TMIE: variants seen among roughly 807,000 people sequenced by gnomAD.
The protein encoded by TMIE is transmembrane inner ear, also known as transmembrane inner ear expressed protein.
Under a neutral mutation model 16.8 loss-of-function variants are expected in TMIE, and 14 were observed. That is an observed-to-expected ratio of 0.83 (90% CI 0.55 to 1.30). TMIE has a LOEUF of 1.30. Among genes scored for constraint, TMIE ranks in the 50% most tolerant of loss-of-function variants. The pLI is 0.00. For missense variants in TMIE, 204 were observed against 205.9 expected, an observed-to-expected ratio of 0.99 and a Z score of 0.06; for synonymous variants, 75 against 87.2, an observed-to-expected ratio of 0.86 and a Z score of 0.78.
upstream of TMIE, among the ~76,000 whole-genome samples, chr3:46,698,427 CT>C (rs1488703536): frequency 6.6e-6 from 1 of 151,740 alleles, no homozygotes; most frequent in Non-Finnish European, 1.5e-5. Flanking sequence ...TTAATGAAGG[CT>C]TGTGATATGC....
intron 2 of TMIE, among the ~76,000 whole-genome samples, chr3:46,708,048 C>G (rs1161831990): frequency 1.3e-5 from 2 of 152,196 alleles, no homozygotes; most frequent in Non-Finnish European, 2.9e-5. Context: ...CAAGTGTATG[C>G]CTGGATGCTA....
At chr3:46,700,211 G>A (rs1018798947), upstream of TMIE, among the ~76,000 whole-genome samples, 4 of 152,322 alleles carry the variant, frequency 2.6e-5, no homozygotes, top group East Asian at 7.7e-4. Flanking sequence ...GCGTTTCCTC[G>A]ATGGGTCTCC....
intron 2 of TMIE, among the ~76,000 whole-genome samples, chr3:46,706,463 G>A (rs964609075): frequency 7.2e-5 from 11 of 152,330 alleles, no homozygotes; most frequent in Middle Eastern, 3.4e-3. Flanking sequence ...GGCTTGGCCG[G>A]CTCCCCTTAG....
chr3:46,707,860 T>A (rs921465467), intron 2 of TMIE, among the ~76,000 whole-genome samples: 4 of 152,148 alleles, frequency 2.6e-5, no homozygotes, highest in African/African-American at 4.8e-5. Flanking sequence ...GTGGGGTGGC[T>A]AGAAGAGGTG....
Position 46,709,999 on chromosome 3 carries a change from C to T in TMIE, c.*311C>T. 2.3e-6 allele frequency: 1 copy of T among 442,448 alleles called. No homozygotes were observed. The highest frequency in any genetic ancestry group is 4.6e-5 in the East Asian group (1 of 21,690). 27.4% of individuals were successfully genotyped at this position (442,448 alleles called of 1,614,324 possible). On this transcript the variant is annotated 3_prime_UTR_variant, in exon 4 of 4. Transcript: ENST00000643606. ...CCCACCCAGACCTGCCTGTCTCCCA[C>T]CCTTTCTGCCAGGGATGGCAGTGGC...
chr3:46,694,304 C>A (rs545193110), upstream of TMIE, among the ~76,000 whole-genome samples: 18 of 152,300 alleles, frequency 1.2e-4, no homozygotes, highest in African/African-American at 3.4e-4. Context: ...GCCGCGTGTG[C>A]TTTGTGCGAA....
rs145826787 is a variant in TMIE, at chr3:46,705,970, C to G, written c.211+63C>G. On this transcript the variant is annotated intron_variant, in intron 2 of 3. Transcript: ENST00000643606. ...GTGGGAACACAGCACCCCCTGCCCC[C>G]CAGAGGGCTCAGAGCAGCAATTCCG... is the stretch of plus-strand genomic sequence containing the variant. 2.5e-5 allele frequency: 38 copies of G among 1,525,470 alleles called. No homozygotes were observed. In the East Asian group the frequency reaches 3.2e-4, roughly 13 times the overall value. 94.5% of individuals were successfully genotyped at this position (1,525,470 alleles called of 1,614,324 possible). A position where few individuals can be genotyped will look rare whatever the true frequency, so the allele number is the denominator to read the frequency against.
At chr3:46,699,973 C>A (rs1381856765), upstream of TMIE, among the ~76,000 whole-genome samples, 3 of 152,252 alleles carry the variant, frequency 2.0e-5, no homozygotes, top group Non-Finnish European at 2.9e-5. Context: ...TTAGTCCTCA[C>A]CCTGTCCAGC....
rs373379198 is a variant in TMIE, at chr3:46,705,870, C to T, written c.174C>T (p.His58=). ...TGTTCTGGGACATGCGCCTGTGGCA[C>T]GTGGTGGGCATCTTTTCGCTCTTCG... The part of the protein sequence containing the change: ...TVVFWDMRLW[H]VVGIFSLFVL... Residue 58 remains histidine (H), a synonymous_variant, in exon 2 of 4, where the codon CAC becomes CAT. Coordinates refer to ENST00000643606, the MANE Select transcript of TMIE (RefSeq NM_147196.3). 5.6e-5 allele frequency: 90 copies of T among 1,614,006 alleles called. No homozygotes were observed. The highest frequency in any genetic ancestry group is 3.2e-4 in the Admixed American group (19 of 60,010).
At chr3:46,709,420 G>A in intron 3 of TMIE, 145 bp downstream of exon 3, 4 of 1,601,112 alleles carry the variant, frequency 2.5e-6, no homozygotes, top group Non-Finnish European at 3.4e-6. Context: ...ACAGAAATTG[G>A]TTGGCATGAG....
At chr3:46,705,460 C>T (rs932591412) in intron 1 of TMIE, among the ~76,000 whole-genome samples, 4 of 152,188 alleles carry the variant, frequency 2.6e-5, no homozygotes, top group Non-Finnish European at 5.9e-5. Flanking sequence ...CCCCATCTGC[C>T]TGGGTGGAGC....
chr3:46,694,281 G>C (rs951568251), upstream of TMIE, among the ~76,000 whole-genome samples: 4 of 152,220 alleles, frequency 2.6e-5, no homozygotes, highest in Admixed American at 6.5e-5. Flanking sequence ...AGGCCTAGTA[G>C]AGCATGAAGC....
intron 2 of TMIE, among the ~76,000 whole-genome samples, chr3:46,708,251 A>G (rs1700576500): frequency 1.3e-5 from 2 of 152,218 alleles, no homozygotes. Context: ...ACTCCAGTCC[A>G]GGCTACATAG....
At position 46,709,139 on chromosome 3, in the gene TMIE, CTG is replaced by C; in HGVS notation, c.229_230del (p.Val77LeufsTer37). On this transcript the variant is annotated frameshift_variant, in exon 3 of 4. Coordinates refer to ENST00000643606, the MANE Select transcript of TMIE (RefSeq NM_147196.3). LOFTEE classifies it high-confidence loss of function. Reference protein sequence around the residue: ...FVLSIIITLCCVFNCRVPRTR... With the variant: ...FVLSIIITLCXVFNCRVPRTR... The stretch of plus-strand genomic sequence containing the variant: ...TCCTCCCTACAGTCATCACGCTGTG[CTG>C]TGTCTTCAACTGTCGTGTGCCACGG... The C allele has an allele frequency of 6.2e-7, 1 of 1,614,122 alleles. No individual in the cohort carries two copies. Among genetic ancestry groups the C allele is most frequent in the Non-Finnish European group, 8.5e-7 (1 of 1,180,046 alleles).
Position 46,701,608 on chromosome 3 carries a change from GA to G in TMIE, c.93+29del. The G allele has an allele frequency of 7.8e-7, 1 of 1,275,490 alleles. No individual in the cohort carries two copies. The highest frequency in any genetic ancestry group is 9.9e-7 in the Non-Finnish European group (1 of 1,013,790). 79.0% of individuals were successfully genotyped at this position (1,275,490 alleles called of 1,614,324 possible). The stretch of plus-strand genomic sequence containing the variant: ...GAGGCCGCGGCACGGAGGGACTGGG[GA>G]GGCTGTCACCCTCCAGGCAGGGGGC... On this transcript the variant is annotated intron_variant, in intron 1 of 3. Coordinates refer to ENST00000643606, the MANE Select transcript of TMIE (RefSeq NM_147196.3). The surrounding 1 kb of genome is among the most constrained non-coding windows in gnomAD (Gnocchi z 4.3).
intron 1 of TMIE, among the ~76,000 whole-genome samples, chr3:46,696,350 C>T (rs1700411650): frequency 6.6e-6 from 1 of 152,218 alleles, no homozygotes; most frequent in Non-Finnish European, 1.5e-5. Flanking sequence ...ACACACAAAG[C>T]TGCATGCAGA....
intron 1 of TMIE, among the ~76,000 whole-genome samples, 199 bp from the exon 2 acceptor site, chr3:46,705,591 A>T (rs1238905644): frequency 6.6e-6 from 1 of 152,190 alleles, no homozygotes; most frequent in Non-Finnish European, 1.5e-5. Context: ...CACTTCAAGT[A>T]CCTGGCTCTG....
At chr3:46,702,809 G>A (rs1198183831) in intron 1 of TMIE, among the ~76,000 whole-genome samples, 1 of 152,128 alleles carries the variant, frequency 6.6e-6, no homozygotes, top group Non-Finnish European at 1.5e-5. Flanking sequence ...CCACAAGGCT[G>A]GGCTAGAGTC....
chr3:46,709,892 G>T lies in TMIE; in HGVS notation c.*204G>T, dbSNP rs543977660. 7.0e-5 allele frequency: 76 copies of T among 1,087,388 alleles called. 1 individual carries two copies. In the South Asian group the frequency reaches 1.2e-3, roughly 17 times the overall value. 67.4% of individuals were successfully genotyped at this position (1,087,388 alleles called of 1,614,324 possible). Reference sequence around the variant, plus strand: ...TGTCCTGCCCCCCAGCCTAGGCTTGGCTCCTTTCACCCCATCCACATGGGT... The same window carrying T: ...TGTCCTGCCCCCCAGCCTAGGCTTGTCTCCTTTCACCCCATCCACATGGGT... On this transcript the variant is annotated 3_prime_UTR_variant, in exon 4 of 4. Coordinates refer to ENST00000643606, the MANE Select transcript of TMIE (RefSeq NM_147196.3).
Sources: allele counts gnomAD v4.1 joint callset (sites outside exome capture counted in the v4.1 genomes callset), GRCh38; gene constraint gnomAD v4.1.1; non-coding constraint Gnocchi (gnomAD v3.1); transcripts MANE v1.5; gene names NCBI Gene and HGNC (gene_info 2026-07-23, HGNC 2026-07-21).